Variants in DNAH14 observed in about 807,000 individuals in gnomAD.
The protein encoded by DNAH14 is dynein axonemal heavy chain 14, also known as axonemal beta dynein heavy chain 14.
In DNAH14, 478 loss-of-function variants were observed where a neutral mutation model predicts 520.9. That is an observed-to-expected ratio of 0.92 (90% CI 0.85 to 0.99). DNAH14 has a LOEUF of 0.99. DNAH14 is among the 50% of genes least tolerant of loss of function. The probability of loss-of-function intolerance (pLI) is 0.00; values close to 1 mark genes in which losing one functional copy is unlikely to be tolerated. For synonymous variants in DNAH14, 1,581 were observed against 1,757.2 expected (o/e 0.90, Z 2.51); for missense variants, 4,831 against 5,234.5 (o/e 0.92, Z 2.38).
intron 17 of DNAH14, among the ~76,000 whole-genome samples, chr1:225,073,401 T>C (rs2071794887): frequency 6.6e-6 from 1 of 150,854 alleles, no homozygotes; most frequent in Non-Finnish European, 1.5e-5. Flanking sequence ...CTGATGGGGG[T>C]GGCTGGAGGC....
At chr1:225,382,525 G>A (rs2095795301) in intron 81 of DNAH14, among the ~76,000 whole-genome samples, 1 of 151,960 alleles carries the variant, frequency 6.6e-6, no homozygotes, top group Non-Finnish European at 1.5e-5. Flanking sequence ...GGCAAACATG[G>A]TGAAACCCCG....
At chr1:225,074,200 C>T (rs1485625498) in intron 17 of DNAH14, among the ~76,000 whole-genome samples, 3 of 151,540 alleles carry the variant, frequency 2.0e-5, no homozygotes, top group Non-Finnish European at 4.4e-5. Context: ...GGGGTTTCAC[C>T]GTTTTAGCCG....
intron 78 of DNAH14, among the ~76,000 whole-genome samples, chr1:225,375,774 C>A (rs2095690158): frequency 6.7e-6 from 1 of 149,598 alleles, no homozygotes; most frequent in African/African-American, 2.5e-5. Context: ...AGATTTCCAT[C>A]AAAAAACAAC....
At chr1:225,274,350 G>T (rs927045896) in intron 52 of DNAH14, among the ~76,000 whole-genome samples, 5 of 151,418 alleles carry the variant, frequency 3.3e-5, no homozygotes, top group Non-Finnish European at 7.4e-5. Context: ...GACTACAGGC[G>T]CCCGCCACTG....
chr1:224,999,199 TG>T (rs1406887385), intron 8 of DNAH14, among the ~76,000 whole-genome samples: 4 of 152,118 alleles, frequency 2.6e-5, no homozygotes, highest in Non-Finnish European at 5.9e-5. Context: ...TTTTTTTGTT[TG>T]TTTTTTTGTT....
Position 224,967,576 on chromosome 1 carries a change from T to C in DNAH14, c.644T>C (p.Ile215Thr). ...TTTTGGGTTATTACTGCTTCATTTA[T>C]CTCAAAGGTAATGTTTAATGGATGT... ...KEFWVITASF[I>T]SKVINIVGSV... is the part of the protein sequence containing the mutation. The change falls in exon 6 of 86, where the codon ATC becomes ACC. Residue 215 changes from isoleucine (I) to threonine (T), a missense_variant. Physicochemically the swap from Ile to Thr is moderately conservative, Grantham distance 89 (BLOSUM62 -1). Coordinates refer to ENST00000682510, the MANE Select transcript of DNAH14 (RefSeq NM_001367479.1). The C allele has an allele frequency of 6.2e-7, 1 of 1,601,644 alleles. No homozygotes were observed. Among genetic ancestry groups the C allele is most frequent in the Non-Finnish European group, 8.5e-7 (1 of 1,176,204 alleles).
At chr1:224,930,887 G>C (rs2058653818) in intron 1 of DNAH14, among the ~76,000 whole-genome samples, 1 of 152,082 alleles carries the variant, frequency 6.6e-6, no homozygotes, top group East Asian at 1.9e-4. Context: ...CGTGAGCCAC[G>C]GCGCCCGGCC....
At chr1:225,335,107 A>G (rs148690668) in intron 66 of DNAH14, among the ~76,000 whole-genome samples, 44 of 147,754 alleles carry the variant, frequency 3.0e-4, no homozygotes, top group African/African-American at 9.3e-4. Context: ...ATATGTATAT[A>G]TACATATATA....
At chr1:225,204,325 A>C in intron 39 of DNAH14, 52 bp downstream of exon 39, 40 of 1,017,268 alleles carry the variant, frequency 3.9e-5, no homozygotes, top group Non-Finnish European at 5.7e-5. Flanking sequence ...ACAAACTCTC[A>C]ACCAATATGA....
chr1:225,229,676 C>T (rs959797840), intron 41 of DNAH14, among the ~76,000 whole-genome samples: 7 of 152,010 alleles, frequency 4.6e-5, no homozygotes, highest in African/African-American at 1.5e-4. Context: ...GAACAGAAAA[C>T]CAGACACCAC....
At chr1:224,945,661 G>T (rs1006702145) in intron 1 of DNAH14, among the ~76,000 whole-genome samples, 1 of 152,278 alleles carries the variant, frequency 6.6e-6, no homozygotes, top group Non-Finnish European at 1.5e-5. Context: ...CGTACAGATG[G>T]GGTTTTGGTG....
At chr1:225,162,345 G>C (rs188881961) in intron 35 of DNAH14, among the ~76,000 whole-genome samples, 1 of 152,106 alleles carries the variant, frequency 6.6e-6, no homozygotes, top group Non-Finnish European at 1.5e-5. Flanking sequence ...CCGTTCGTCT[G>C]TATGGATATT....
At chr1:225,209,863 G>A (rs1574004444) in intron 41 of DNAH14, among the ~76,000 whole-genome samples, 1 of 152,218 alleles carries the variant, frequency 6.6e-6, no homozygotes, top group East Asian at 1.9e-4. Flanking sequence ...GCAGAAGCAG[G>A]GTGGGGCATC....
chr1:225,179,655 T>C (rs1209905064), intron 36 of DNAH14, among the ~76,000 whole-genome samples: 1 of 152,214 alleles, frequency 6.6e-6, no homozygotes, highest in East Asian at 1.9e-4. Context: ...CACACCACAA[T>C]TACAGTATTA....
At chr1:225,000,722 A>T (rs1004522842) in intron 8 of DNAH14, among the ~76,000 whole-genome samples, 1 of 151,528 alleles carries the variant, frequency 6.6e-6, no homozygotes, top group African/African-American at 2.4e-5. Context: ...GGATTGCATA[A>T]TTTATGTTTT....
intron 26 of DNAH14, 59 bp downstream of exon 26, chr1:225,119,353 T>C (rs2077118038): frequency 1.7e-6 from 2 of 1,175,806 alleles, no homozygotes; most frequent in Non-Finnish European, 1.1e-6. Context: ...TGCACATATA[T>C]ATATACACAC....
chr1:225,129,734 T>A (rs1165299431), intron 27 of DNAH14, among the ~76,000 whole-genome samples: 2 of 151,750 alleles, frequency 1.3e-5, no homozygotes, highest in African/African-American at 2.4e-5. Flanking sequence ...AACCTAGGCA[T>A]TACCATTCAG....
At chr1:225,086,990 CCACACACACACACA>C (rs57900981) in intron 21 of DNAH14, among the ~76,000 whole-genome samples, 12,894 of 146,840 alleles carry the variant, frequency 0.088, 819 homozygotes, top group East Asian at 0.3. Flanking sequence ...GAAAAGAACA[CCACACACACACACA>C]CACACACACA....
In DNAH14 at chr1:225,363,870, T is replaced by C. The variant is rs773345237; in HGVS notation, c.11988-922T>C. On this transcript the variant is annotated intron_variant, in intron 75 of 85. Transcript: ENST00000682510. ...AAAGTCTGTATAGGTTCAGTACAGATGCAGACATTGTAGGCCTAACTACCT... is the reference window on the plus strand; with the variant it reads ...AAAGTCTGTATAGGTTCAGTACAGACGCAGACATTGTAGGCCTAACTACCT... Among the ~76,000 whole-genome samples the C allele has an allele frequency of 7.6e-4, 116 of 152,230 alleles. 4 individuals are homozygous for C. Among genetic ancestry groups the C allele is most frequent in the Non-Finnish European group, 2.1e-4 (14 of 68,034 alleles).
Sources: gnomAD v4.1 joint callset for allele counts (sites outside exome capture counted in the v4.1 genomes callset) on GRCh38, gnomAD v4.1.1 for gene constraint, MANE v1.5 for transcripts, NCBI Gene and HGNC (gene_info 2026-07-23, HGNC 2026-07-21) for gene names.